The following UBR1 variants were observed in gnomAD, a reference collection of about 807,000 sequenced individuals.
The protein encoded by UBR1 is E3 ubiquitin-protein ligase UBR1.
In UBR1, 102 loss-of-function variants were observed where a neutral mutation model predicts 242.1. The ratio of observed to expected loss-of-function variants is 0.42; its 90% CI spans 0.36 to 0.50. The LOEUF (loss-of-function observed/expected upper bound fraction) is 0.50. Ranked by LOEUF, UBR1 falls within the 20% of genes least tolerant of loss-of-function variation. The pLI, the probability that UBR1 is intolerant of heterozygous loss-of-function variation, is 0.01. For synonymous variants in UBR1, 675 were observed against 684.8 expected (o/e 0.99, Z 0.22); for missense variants, 1,772 against 2,101.8 (o/e 0.84, Z 3.07).
At chr15:43,041,704 C>T (rs2141321620) in intron 15 of UBR1, among the ~76,000 whole-genome samples, 1 of 152,270 alleles carries the variant, frequency 6.6e-6, no homozygotes, top group African/African-American at 2.4e-5. Context: ...ATAACAAAAA[C>T]TCCTGTGTCT....
chr15:43,075,220 G>A, intron 3 of UBR1, 131 bp from the exon 4 acceptor site: 1 of 814,948 alleles, frequency 1.2e-6, no homozygotes, highest in Non-Finnish European at 2.1e-6. Flanking sequence ...ATATTAACTG[G>A]ATGTAACAAA....
At chr15:43,078,860 A>G (rs1432917713) in intron 3 of UBR1, among the ~76,000 whole-genome samples, 1 of 152,178 alleles carries the variant, frequency 6.6e-6, no homozygotes, top group Non-Finnish European at 1.5e-5. Flanking sequence ...TAAGTAATAC[A>G]TAAACTAAAA....
At position 42,998,188 on chromosome 15, in the gene UBR1, T is replaced by C. The variant is rs771788893; in HGVS notation, c.3737A>G (p.Tyr1246Cys). Residue 1246 changes from tyrosine (Y) to cysteine (C), a missense_variant, in exon 33 of 47, where the codon TAT (tyrosine) becomes TGT (cysteine). Physicochemically the swap from Tyr to Cys is radical, Grantham distance 194. Around this residue, in one of 3 missense-constraint regions of UBR1, gnomAD observed 965 missense variants for 1,079.7 expected, o/e 0.89. Transcript: ENST00000290650. ...IQTVLARISG[Y>C]NIRHAKGENP... is the part of the protein sequence containing the mutation. ...CAAACCTTTAGCATGTCTTATATTA[T>C]AACCTGATATTCTGGCCAGAACAGT... 42 of 1,613,716 alleles carry C rather than the reference T, an allele frequency of 2.6e-5. 1 individual carries two copies. In the South Asian group the frequency reaches 4.4e-4, roughly 17 times the overall value.
chr15:43,030,489 T>C (rs1049322762), intron 20 of UBR1, among the ~76,000 whole-genome samples: 20 of 152,228 alleles, frequency 1.3e-4, no homozygotes, highest in Non-Finnish European at 1.5e-5. Context: ...TTCTCAATTT[T>C]GTCTCTACTT....
chr15:43,030,205 T>C, intron 20 of UBR1, 137 bp from the exon 21 acceptor site: 1 of 976,972 alleles, frequency 1.0e-6, no homozygotes, highest in Non-Finnish European at 1.5e-6. Flanking sequence ...TATTTGAATG[T>C]GTTCCCAAAT....
intron 17 of UBR1, 91 bp downstream of exon 17, chr15:43,037,682 T>C: frequency 3.6e-6 from 4 of 1,103,230 alleles, no homozygotes; most frequent in Non-Finnish European, 5.4e-6. Context: ...ATACACTCAG[T>C]AAAATCTAGG....
At position 43,038,234 on chromosome 15, in the gene UBR1, T is replaced by C; in HGVS notation, c.1850-2A>G. On this transcript the variant is annotated splice_acceptor_variant, in intron 15 of 46. Transcript: ENST00000290650. LOFTEE classifies it high-confidence loss of function. ...GCCTGCTTAAACGTACATGAAGACC[T>C]AAAGTTAAAAAAACGAGAGAGAAAA... 1 of 1,613,952 alleles carries C rather than the reference T, an allele frequency of 6.2e-7. No homozygotes were observed. The highest frequency in any genetic ancestry group is 1.1e-5 in the South Asian group (1 of 91,070).
intron 29 of UBR1, among the ~76,000 whole-genome samples, chr15:43,013,934 T>C (rs558260230): frequency 1.1e-3 from 167 of 151,310 alleles, no homozygotes; most frequent in African/African-American, 3.6e-3. Context: ...GATGCCGAGC[T>C]GAAGCTGGAC....
intron 24 of UBR1, 77 bp downstream of exon 24, chr15:43,025,304 C>CA: frequency 6.9e-7 from 1 of 1,453,220 alleles, no homozygotes; most frequent in Non-Finnish European, 9.5e-7. Flanking sequence ...CCAACAACAA[C>CA]AAAAAACTAT....
chr15:42,983,769 T>G (rs1340440069), intron 37 of UBR1, 128 bp downstream of exon 37: 1 of 458,602 alleles, frequency 2.2e-6, no homozygotes, highest in Non-Finnish European at 3.6e-6. Flanking sequence ...GGTGGTAAAA[T>G]TTCATTAGTG....
At chr15:43,068,089 T>TAAAAAAA (rs375762522) in intron 5 of UBR1, 53 bp from the exon 6 acceptor site, 23 of 787,712 alleles carry the variant, frequency 2.9e-5, no homozygotes, top group Admixed American at 8.4e-5. Context: ...AAAGGAAAAG[T>TAAAAAAA]AAAAAAAAAA....
chr15:43,064,665 C>T (rs1429726758), intron 6 of UBR1, among the ~76,000 whole-genome samples: 1 of 151,916 alleles, frequency 6.6e-6, no homozygotes, highest in East Asian at 1.9e-4. Context: ...CAACCTCCAC[C>T]TCCCAGGTTC....
intron 6 of UBR1, among the ~76,000 whole-genome samples, chr15:43,060,356 T>C (rs1348463050): frequency 6.6e-6 from 1 of 152,238 alleles, no homozygotes; most frequent in Non-Finnish European, 1.5e-5. Context: ...GTTTCTTGCC[T>C]GGCAGGAATG....
intron 32 of UBR1, among the ~76,000 whole-genome samples, chr15:42,999,142 T>C (rs1486770442): frequency 2.0e-5 from 3 of 152,310 alleles, no homozygotes; most frequent in Middle Eastern, 6.8e-3. Flanking sequence ...GGTTTCACCA[T>C]GTTGGCCAGG....
chr15:43,008,594 A>G (rs941902568), intron 29 of UBR1, among the ~76,000 whole-genome samples: 2 of 152,208 alleles, frequency 1.3e-5, no homozygotes, highest in Non-Finnish European at 2.9e-5. Flanking sequence ...TCCTAGGCAG[A>G]AAGGGATGGG....
intron 40 of UBR1, among the ~76,000 whole-genome samples, chr15:42,968,384 ATT>A (rs779715820): frequency 1.6e-4 from 23 of 140,370 alleles, no homozygotes; most frequent in Admixed American, 2.2e-4. Flanking sequence ...CCCTTAACAG[ATT>A]TTTTTTTTTT....
intron 15 of UBR1, among the ~76,000 whole-genome samples, chr15:43,040,887 A>G (rs569285404): frequency 3.9e-4 from 59 of 152,296 alleles, no homozygotes; most frequent in Admixed American, 3.1e-3. Flanking sequence ...CAAAACCACA[A>G]TGAGATTACC....
intron 2 of UBR1, 133 bp downstream of exon 2, chr15:43,085,850 AG>A: frequency 1.1e-6 from 1 of 939,378 alleles, no homozygotes; most frequent in East Asian, 2.8e-5. Flanking sequence ...TGGGAGGCAG[AG>A]GTTGCAGTGA....
chr15:43,048,454 T>TCCC lies in UBR1; in HGVS notation c.1476_1477insGGG (p.Glu492_Arg493insGly), dbSNP rs1567136489. 8 of 1,613,832 alleles carry TCCC rather than the reference T, an allele frequency of 5.0e-6. No individual in the cohort carries two copies. Among genetic ancestry groups the TCCC allele is most frequent in the Non-Finnish European group, 6.8e-6 (8 of 1,179,904 alleles). On this transcript the variant is annotated inframe_insertion, in exon 13 of 47. Coordinates refer to ENST00000290650, the MANE Select transcript of UBR1 (RefSeq NM_174916.3). ...CCTTCAAGGAACTGCATTCTTAATC[T>TCCC]TTCTGTCCATATTGTGGGTTTGCTG...
Sources: gnomAD v4.1 joint callset for allele counts (sites outside exome capture counted in the v4.1 genomes callset) on GRCh38, gnomAD v4.1.1 for gene constraint, gnomAD v4.1.1 regional missense constraint, MANE v1.5 for transcripts, NCBI Gene and HGNC (gene_info 2026-07-23, HGNC 2026-07-21) for gene names.